CACNA2D1: variants seen among roughly 807,000 people sequenced by gnomAD.
CACNA2D1 encodes the protein calcium voltage-gated channel auxiliary subunit alpha2delta 1.
In CACNA2D1, 53 loss-of-function variants were observed where a neutral mutation model predicts 171.5. The ratio of observed to expected loss-of-function variants is 0.31; its 90% CI spans 0.25 to 0.39. CACNA2D1 has a LOEUF of 0.39. Ranked by LOEUF, CACNA2D1 falls within the 10% of genes least tolerant of loss-of-function variation. The pLI is 1.00. For synonymous variants in CACNA2D1, 442 were observed against 443.1 expected, an observed-to-expected ratio of 1.00 and a Z score of 0.03; for missense variants, 903 against 1,299.8, an observed-to-expected ratio of 0.69 and a Z score of 4.69.
chr7:82,127,718 A>G (rs1417113131), intron 5 of CACNA2D1, among the ~76,000 whole-genome samples: 1 of 152,176 alleles, frequency 6.6e-6, no homozygotes, highest in African/African-American at 2.4e-5. Flanking sequence ...TAAGTAAAGC[A>G]CTTGATTGGA....
At chr7:82,151,462 A>T (rs769054414) in intron 4 of CACNA2D1, among the ~76,000 whole-genome samples, 10 of 152,138 alleles carry the variant, frequency 6.6e-5, no homozygotes, top group Non-Finnish European at 1.3e-4. Flanking sequence ...CATGGTTGCT[A>T]ACAAATCAAT....
At chr7:82,422,932 T>C (rs1304424679) in intron 1 of CACNA2D1, among the ~76,000 whole-genome samples, 3 of 151,960 alleles carry the variant, frequency 2.0e-5, no homozygotes, top group Non-Finnish European at 4.4e-5. Context: ...TGTGCACAGA[T>C]GCCTGGAAAG....
intron 3 of CACNA2D1, among the ~76,000 whole-genome samples, chr7:82,305,701 GCA>G (rs1813639535): frequency 6.6e-6 from 1 of 152,150 alleles, no homozygotes; most frequent in South Asian, 2.1e-4. Context: ...TGATGCTCAT[GCA>G]CATGTGTGCA....
At position 82,055,930 on chromosome 7, in the gene CACNA2D1, G is replaced by GTGTATATATATATATATATATATATA. The variant is rs71093357; in HGVS notation, c.879+4497_879+4498insTATATATATATATATATATATATACA. Among the ~76,000 whole-genome samples, 274 of 111,340 alleles carry GTGTATATATATATATATATATATATA rather than the reference G, an allele frequency of 2.5e-3. 2 individuals are homozygous for GTGTATATATATATATATATATATATA. Among genetic ancestry groups the GTGTATATATATATATATATATATATA allele is most frequent in the African/African-American group, 8.9e-3 (248 of 27,972 alleles). 73.0% of individuals were successfully genotyped at this position (111,340 alleles called of 152,430 possible). On this transcript the variant is annotated intron_variant, in intron 10 of 38. Transcript: ENST00000356860. ...AAGTATAATAAATATGTGTGTGTGT[G>GTGTATATATATATATATATATATATA]TATATATATATATATATAATTTTTT...
chr7:82,355,151 C>T (rs1339429325), intron 1 of CACNA2D1, among the ~76,000 whole-genome samples: 1 of 152,116 alleles, frequency 6.6e-6, no homozygotes, highest in Admixed American at 6.6e-5. Flanking sequence ...CTGACACAGG[C>T]ATTTTTAAAA....
At chr7:82,034,914 T>C (rs1052479775) in intron 11 of CACNA2D1, among the ~76,000 whole-genome samples, 2 of 152,056 alleles carry the variant, frequency 1.3e-5, no homozygotes, top group Admixed American at 6.5e-5. Context: ...AATAAAGAAA[T>C]TGTTTTGCCT....
At chr7:82,042,855 T>C (rs1178873174) in intron 10 of CACNA2D1, among the ~76,000 whole-genome samples, 2 of 152,190 alleles carry the variant, frequency 1.3e-5, no homozygotes, top group African/African-American at 4.8e-5. Flanking sequence ...CTAAGCTCTC[T>C]TAAATCTATC....
chr7:82,172,689 C>T (rs1295222924), intron 3 of CACNA2D1, among the ~76,000 whole-genome samples: 3 of 133,718 alleles, frequency 2.2e-5, no homozygotes, highest in Non-Finnish European at 4.6e-5. Flanking sequence ...CCTCCTATCT[C>T]AGCCTCCCAA....
At chr7:82,354,320 T>C (rs1158867477) in intron 1 of CACNA2D1, among the ~76,000 whole-genome samples, 1 of 152,110 alleles carries the variant, frequency 6.6e-6, no homozygotes, top group Non-Finnish European at 1.5e-5. Context: ...TAAGAAATCT[T>C]TTCTCCCCTA....
intron 18 of CACNA2D1, among the ~76,000 whole-genome samples, chr7:82,005,132 C>G (rs1023292569): frequency 6.6e-6 from 1 of 152,020 alleles, no homozygotes; most frequent in Admixed American, 6.6e-5. Context: ...TATCTTACAG[C>G]CTTAAAATCA....
At chr7:82,131,789 G>T (rs1405277387) in intron 5 of CACNA2D1, among the ~76,000 whole-genome samples, 1 of 152,122 alleles carries the variant, frequency 6.6e-6, no homozygotes, top group Non-Finnish European at 1.5e-5. Context: ...TGAGAGCAAA[G>T]AACAGTGATA....
chr7:82,193,597 T>C (rs895917966), intron 3 of CACNA2D1, among the ~76,000 whole-genome samples: 1 of 152,030 alleles, frequency 6.6e-6, no homozygotes. Context: ...ATGCATACTA[T>C]ATTGAAGTGA....
chr7:82,023,309 CTATCTA>C (rs1801476486), intron 12 of CACNA2D1, among the ~76,000 whole-genome samples: 1 of 151,836 alleles, frequency 6.6e-6, no homozygotes, highest in Admixed American at 6.6e-5. Context: ...AAAGCTATAC[CTATCTA>C]TAATCAGGTA....
chr7:81,958,551 T>A (rs937318291), intron 38 of CACNA2D1, among the ~76,000 whole-genome samples: 1 of 151,886 alleles, frequency 6.6e-6, no homozygotes, highest in African/African-American at 2.4e-5. Flanking sequence ...TACATACTGA[T>A]GACATATTAC....
chr7:81,970,156 AGCAC>A (rs1795119126), intron 27 of CACNA2D1, among the ~76,000 whole-genome samples, 172 bp from the exon 28 acceptor site: 2 of 151,466 alleles, frequency 1.3e-5, no homozygotes, highest in South Asian at 4.1e-4. Flanking sequence ...GCATCAGCAT[AGCAC>A]TAAATTAAGA....
intron 25 of CACNA2D1, among the ~76,000 whole-genome samples, chr7:81,972,717 A>C (rs1213102701): frequency 6.6e-6 from 1 of 152,014 alleles, no homozygotes; most frequent in East Asian, 1.9e-4. Context: ...GCTCTGAAAT[A>C]CCCTAACAGG....
rs1797255235 is a variant in CACNA2D1, at chr7:81,988,988, CATT to C, written c.1796+2194_1796+2196del. 1.1e-4 allele frequency among the ~76,000 whole-genome samples: 16 copies of C among 152,150 alleles called. 1 individual carries two copies. In the South Asian group the frequency reaches 3.1e-3, roughly 30 times the overall value. ...AAGAGGGAGATAGAGTGTGGTGAAA[CATT>C]ATACATTTTAAATAGGATCGTTGGA... On this transcript the variant is annotated intron_variant, in intron 21 of 38. Transcript: ENST00000356860.
At chr7:82,011,021 T>C (rs2130916303) in intron 15 of CACNA2D1, among the ~76,000 whole-genome samples, 2 of 152,322 alleles carry the variant, frequency 1.3e-5, no homozygotes, top group East Asian at 3.9e-4. Context: ...GATTATTATT[T>C]ATAACTTTCA....
intron 7 of CACNA2D1, among the ~76,000 whole-genome samples, chr7:82,077,867 T>G (rs1809193739): frequency 6.6e-6 from 1 of 152,098 alleles, no homozygotes; most frequent in Non-Finnish European, 1.5e-5. Flanking sequence ...TCTAGTTGGC[T>G]AAAAATAGAT....
Sources: allele counts gnomAD v4.1 joint callset (sites outside exome capture counted in the v4.1 genomes callset), GRCh38; gene constraint gnomAD v4.1.1; transcripts MANE v1.5; gene names NCBI Gene and HGNC (gene_info 2026-07-23, HGNC 2026-07-21).